DCAF8L2: variants seen among roughly 807,000 people sequenced by gnomAD.
DCAF8L2 encodes DDB1- and CUL4-associated factor 8-like protein 2.
For synonymous variants in DCAF8L2, 200 were observed against 190.9 expected (o/e 1.05, Z -0.39); for missense variants, 430 against 490.7 (o/e 0.88, Z 1.17).
At chrX:27,582,773 G>C in the DCAF8L2 span, among the ~76,000 whole-genome samples, 2 of 110,655 alleles carry the variant, frequency 1.8e-5, no homozygotes, top group South Asian at 7.7e-4. Flanking sequence ...TCTAAGTATC[G>C]TTTGATTCCT....
Position 27,696,418 on chromosome X carries a change from G to T in DCAF8L2, c.-143+18506G>T, listed in dbSNP as rs915634602. Among the ~76,000 whole-genome samples, 72 of 110,895 alleles carry T rather than the reference G, an allele frequency of 6.5e-4. 1 individual carries two copies. The highest frequency in any genetic ancestry group is 1.1e-4 in the Non-Finnish European group (6 of 52,905). On this transcript the variant is annotated intron_variant, in intron 3 of 4. Coordinates refer to ENST00000451261, the MANE Select transcript of DCAF8L2 (RefSeq NM_001353450.2). ...ACAGCCAAGCCTGACTCTAACTGTGGTTTCTTGAACAATATGATACACCTG... is the reference window on the plus strand; with the variant it reads ...ACAGCCAAGCCTGACTCTAACTGTGTTTTCTTGAACAATATGATACACCTG...
the DCAF8L2 span, among the ~76,000 whole-genome samples, chrX:27,542,788 C>T: frequency 9.1e-6 from 1 of 109,604 alleles, no homozygotes; most frequent in African/African-American, 3.3e-5. Flanking sequence ...GGGATCCGCC[C>T]GCCTCGGCCT....
chrX:27,684,809 C>G (rs1930446376), intron 3 of DCAF8L2, among the ~76,000 whole-genome samples: 1 of 111,616 alleles, frequency 9.0e-6, no homozygotes, highest in African/African-American at 3.3e-5. Flanking sequence ...TACATATGAT[C>G]CTGCAGACTT....
chrX:27,576,000 C>T, the DCAF8L2 span, among the ~76,000 whole-genome samples: 1 of 111,865 alleles, frequency 8.9e-6, no homozygotes, highest in East Asian at 2.8e-4. Context: ...TCTGAAAGAT[C>T]TGGGTGAAAC....
At chrX:27,535,890 G>A in the DCAF8L2 span, among the ~76,000 whole-genome samples, 5 of 111,463 alleles carry the variant, frequency 4.5e-5, no homozygotes, top group East Asian at 2.8e-4. Flanking sequence ...ACACAGTTAC[G>A]TATTATTCAT....
At chrX:27,606,699 C>G (rs1205225501) in intron 1 of DCAF8L2, among the ~76,000 whole-genome samples, 2 of 109,729 alleles carry the variant, frequency 1.8e-5, no homozygotes, top group Non-Finnish European at 3.8e-5. Context: ...TTTCTGAGTT[C>G]AAATATTTGG....
At chrX:27,496,448 C>G in the DCAF8L2 span, among the ~76,000 whole-genome samples, 1 of 111,746 alleles carries the variant, frequency 8.9e-6, no homozygotes, top group African/African-American at 3.3e-5. Context: ...CTACTTTATA[C>G]CTCTATTGAT....
intron 2 of DCAF8L2, among the ~76,000 whole-genome samples, chrX:27,653,788 T>A (rs1249786188): frequency 9.1e-6 from 1 of 109,543 alleles, no homozygotes; most frequent in African/African-American, 3.3e-5. Flanking sequence ...AAGATTTTAA[T>A]GTCTCATTTT....
chrX:27,732,748 G>T (rs1482926498), intron 4 of DCAF8L2, among the ~76,000 whole-genome samples: 1 of 111,332 alleles, frequency 9.0e-6, no homozygotes, highest in Non-Finnish European at 1.9e-5. Context: ...AAAAGGGATT[G>T]CTGGGTCATA....
chrX:27,538,708 C>G, the DCAF8L2 span, among the ~76,000 whole-genome samples: 1 of 110,743 alleles, frequency 9.0e-6, no homozygotes, highest in Admixed American at 9.7e-5. Flanking sequence ...TTATTTTTTA[C>G]TCATGCTATA....
chrX:27,693,361 A>G (rs1351771236), intron 3 of DCAF8L2, among the ~76,000 whole-genome samples: 1 of 111,418 alleles, frequency 9.0e-6, no homozygotes, highest in African/African-American at 3.3e-5. Flanking sequence ...ATTGAAAAAA[A>G]GAAAAGCAAG....
chrX:27,468,989 G>A, the DCAF8L2 span, among the ~76,000 whole-genome samples: 1 of 111,899 alleles, frequency 8.9e-6, no homozygotes, highest in African/African-American at 3.2e-5. Flanking sequence ...TGTCTTCCCA[G>A]TGTCTCAGAG....
chrX:27,559,917 C>A, the DCAF8L2 span, among the ~76,000 whole-genome samples: 1 of 110,691 alleles, frequency 9.0e-6, no homozygotes, highest in Non-Finnish European at 1.9e-5. Flanking sequence ...CTATTTGCCA[C>A]TGTCCATGAG....
intron 1 of DCAF8L2, among the ~76,000 whole-genome samples, chrX:27,629,893 C>G (rs981280041): frequency 1.8e-5 from 2 of 111,748 alleles, no homozygotes; most frequent in East Asian, 5.6e-4. Flanking sequence ...CTGTAGGCCA[C>G]TGGGTAGTAT....
At chrX:27,533,974 C>T in the DCAF8L2 span, among the ~76,000 whole-genome samples, 2 of 111,322 alleles carry the variant, frequency 1.8e-5, no homozygotes, top group East Asian at 5.7e-4. Flanking sequence ...TCTGGGGGAC[C>T]GAGGCAGGTG....
At chrX:27,516,600 A>G in the DCAF8L2 span, among the ~76,000 whole-genome samples, 1 of 111,428 alleles carries the variant, frequency 9.0e-6, no homozygotes, top group South Asian at 3.8e-4. Flanking sequence ...TTTAATACAA[A>G]TCAGAATCCC....
At chrX:27,734,006 C>T (rs1210331537) in intron 4 of DCAF8L2, among the ~76,000 whole-genome samples, 1 of 110,359 alleles carries the variant, frequency 9.1e-6, no homozygotes, top group Non-Finnish European at 1.9e-5. Context: ...AAAAAAAATC[C>T]CAACAAAATA....
chrX:27,682,509 C>T (rs969216228), intron 3 of DCAF8L2, among the ~76,000 whole-genome samples: 3 of 111,163 alleles, frequency 2.7e-5, no homozygotes, highest in Non-Finnish European at 5.7e-5. Flanking sequence ...TTTATTTTAT[C>T]TGGTTTAGAC....
chrX:27,487,574 C>T, the DCAF8L2 span, among the ~76,000 whole-genome samples: 3 of 112,000 alleles, frequency 2.7e-5, no homozygotes, highest in South Asian at 3.7e-4. Context: ...TGAGCTACTG[C>T]GCCCGGCCTT....
Sources: gnomAD v4.1 joint callset for allele counts (sites outside exome capture counted in the v4.1 genomes callset) on GRCh38, gnomAD v4.1.1 for gene constraint, MANE v1.5 for transcripts, NCBI Gene and HGNC (gene_info 2026-07-23, HGNC 2026-07-21) for gene names.